Variants in NPAS3 observed in about 807,000 individuals in gnomAD.
NPAS3 encodes the protein neuronal PAS domain-containing protein 3.
NPAS3 carries 14 observed loss-of-function variants against 73.1 expected under a neutral mutation model. That is an observed-to-expected ratio of 0.19 (90% CI 0.13 to 0.30). The LOEUF (loss-of-function observed/expected upper bound fraction) is 0.30. Among genes scored for constraint, NPAS3 ranks in the 10% least tolerant of loss-of-function variants. The pLI, the probability that NPAS3 is intolerant of heterozygous loss-of-function variation, is 1.00. For missense variants in NPAS3, 1,096 were observed against 1,250.0 expected, an observed-to-expected ratio of 0.88 and a Z score of 1.86; for synonymous variants, 620 against 541.5, an observed-to-expected ratio of 1.14 and a Z score of -2.01.
rs79684261 is a variant in NPAS3, at chr14:33,525,563, T to C, written c.469-34558T>C. 2.0e-3 allele frequency among the ~76,000 whole-genome samples: 312 copies of C among 152,260 alleles called. 1 individual carries two copies. The highest frequency in any genetic ancestry group is 7.2e-3 in the African/African-American group (299 of 41,572). On this transcript the variant is annotated intron_variant, in intron 4 of 11. Transcript: ENST00000356141. Reference sequence around the variant, plus strand: ...GAGAAAAGGTACAATTTCAGGATGATTCATTTATTTCTGTGAATTTTTTCC... The same window carrying C: ...GAGAAAAGGTACAATTTCAGGATGACTCATTTATTTCTGTGAATTTTTTCC...
intron 4 of NPAS3, among the ~76,000 whole-genome samples, chr14:33,545,773 A>G (rs1197433763): frequency 6.6e-6 from 1 of 152,180 alleles, no homozygotes; most frequent in Non-Finnish European, 1.5e-5. Flanking sequence ...TGATAGAGTC[A>G]TGGTTTTCAT....
At chr14:33,458,818 T>G (rs912289921) in intron 4 of NPAS3, among the ~76,000 whole-genome samples, 6 of 152,222 alleles carry the variant, frequency 3.9e-5, no homozygotes, top group Non-Finnish European at 7.3e-5. Flanking sequence ...AATTATTACA[T>G]ACGAGAGTTT....
At chr14:33,411,453 G>T (rs1042417401) in intron 4 of NPAS3, among the ~76,000 whole-genome samples, 1 of 152,186 alleles carries the variant, frequency 6.6e-6, no homozygotes, top group African/African-American at 2.4e-5. Flanking sequence ...AAGGTGCTGG[G>T]ATTACAGGTT....
chr14:33,312,754 A>G (rs562004205), intron 3 of NPAS3, among the ~76,000 whole-genome samples: 1 of 152,106 alleles, frequency 6.6e-6, no homozygotes, highest in East Asian at 1.9e-4. Flanking sequence ...TTTTTCTCAG[A>G]TGTTGTGAGG....
chr14:33,010,387 G>C (rs1002664264), intron 1 of NPAS3, among the ~76,000 whole-genome samples: 1 of 152,166 alleles, frequency 6.6e-6, no homozygotes, highest in African/African-American at 2.4e-5. Flanking sequence ...AATAGTCAAA[G>C]TGAGAAGTGG....
chr14:33,799,724 C>G lies in NPAS3; in HGVS notation c.1427-10C>G. 1.3e-6 allele frequency: 2 copies of G among 1,556,618 alleles called. No homozygotes were observed. Among genetic ancestry groups the G allele is most frequent in the Non-Finnish European group, 1.7e-6 (2 of 1,150,574 alleles). ...CGCCCCCGCCACCGCCGGCCCCCCG[C>G]CCCACACAGAGGACAACGAGAACTC... On this transcript the variant is annotated splice_polypyrimidine_tract_variant and intron_variant, in intron 11 of 11. Coordinates refer to ENST00000356141, the Ensembl canonical transcript of NPAS3.
At chr14:33,718,983 C>G (rs1449260366) in intron 6 of NPAS3, among the ~76,000 whole-genome samples, 1 of 152,032 alleles carries the variant, frequency 6.6e-6, no homozygotes, top group Non-Finnish European at 1.5e-5. Context: ...AAAAATCTAG[C>G]CAGGTGTGGT....
exon 12 of NPAS3, chr14:33,799,981 G>C (rs747483682): frequency 6.2e-7 from 1 of 1,613,754 alleles, no homozygotes; most frequent in East Asian, 2.2e-5. Flanking sequence ...TCAAGGTGGA[G>C]CGCTACGTGG....
chr14:33,145,725 C>T (rs1462173355), intron 2 of NPAS3, among the ~76,000 whole-genome samples: 2 of 151,998 alleles, frequency 1.3e-5, no homozygotes, highest in Admixed American at 6.6e-5. Context: ...ATTGCCTATT[C>T]GTTTCTTTCC....
At chr14:33,799,472 T>A (rs2063615288) in intron 11 of NPAS3, among the ~76,000 whole-genome samples, 1 of 152,152 alleles carries the variant, frequency 6.6e-6, no homozygotes, top group Admixed American at 6.5e-5. Context: ...AGAGTCTGCA[T>A]TTGCAGCGGG....
rs113935866 is a variant in NPAS3, at chr14:33,170,003, G to A, written c.141-45179G>A. 3.2e-3 allele frequency among the ~76,000 whole-genome samples: 489 copies of A among 152,212 alleles called. 5 individuals carry two copies. Among genetic ancestry groups the A allele is most frequent in the African/African-American group, 0.011 (476 of 41,540 alleles). ...TTTGTGGTTTGGGGATTTTGACATC[G>A]TTACAAAAATTGGAAAGTCATGCTT... On this transcript the variant is annotated intron_variant, in intron 2 of 11. Transcript: ENST00000356141.
At chr14:33,711,000 T>G (rs890555999) in intron 6 of NPAS3, among the ~76,000 whole-genome samples, 4 of 152,178 alleles carry the variant, frequency 2.6e-5, no homozygotes, top group African/African-American at 9.7e-5. Context: ...TTCTCGAATA[T>G]TTGCTTTAAA....
At chr14:33,532,810 C>A (rs1815094521) in intron 4 of NPAS3, among the ~76,000 whole-genome samples, 1 of 152,104 alleles carries the variant, frequency 6.6e-6, no homozygotes, top group South Asian at 2.1e-4. Context: ...GATAAGGTCT[C>A]ATTCTGCTTC....
At chr14:33,667,467 T>C (rs1046418139) in intron 5 of NPAS3, among the ~76,000 whole-genome samples, 1 of 152,226 alleles carries the variant, frequency 6.6e-6, no homozygotes, top group Non-Finnish European at 1.5e-5. Context: ...GCCTCTGGAA[T>C]GAGCCATTTC....
chr14:32,998,361 C>T (rs1455439499), intron 1 of NPAS3, among the ~76,000 whole-genome samples: 1 of 151,914 alleles, frequency 6.6e-6, no homozygotes, highest in Non-Finnish European at 1.5e-5. Context: ...TGGTGGTTAC[C>T]AGGTGATGGG....
intron 4 of NPAS3, among the ~76,000 whole-genome samples, chr14:33,384,866 T>G (rs2046709806): frequency 6.6e-6 from 1 of 152,198 alleles, no homozygotes; most frequent in Non-Finnish European, 1.5e-5. Context: ...GAAGTTTGTA[T>G]CAGTCAAACA....
intron 5 of NPAS3, among the ~76,000 whole-genome samples, chr14:33,655,985 G>A (rs1194625804): frequency 1.3e-5 from 2 of 152,132 alleles, no homozygotes; most frequent in Admixed American, 6.5e-5. Context: ...GGGACATTCT[G>A]AGGCCACCAG....
intron 3 of NPAS3, among the ~76,000 whole-genome samples, chr14:33,268,640 A>T (rs554126098): frequency 6.6e-6 from 1 of 152,284 alleles, no homozygotes; most frequent in Admixed American, 6.5e-5. Context: ...TATGCCTATC[A>T]CTTACTGAAC....
At chr14:33,023,402 T>G (rs993937882) in intron 1 of NPAS3, among the ~76,000 whole-genome samples, 3 of 152,240 alleles carry the variant, frequency 2.0e-5, no homozygotes, top group East Asian at 1.9e-4. Context: ...TGACCTAATC[T>G]CCATATTTCT....
Sources: gnomAD v4.1 joint callset for allele counts (sites outside exome capture counted in the v4.1 genomes callset) on GRCh38, gnomAD v4.1.1 for gene constraint, MANE v1.5 for transcripts, NCBI Gene and HGNC (gene_info 2026-07-23, HGNC 2026-07-21) for gene names.